The following SEPTIN14 variants were observed in gnomAD, a reference collection of about 807,000 sequenced individuals.
SEPTIN14 encodes the protein septin-14.
In SEPTIN14, 40 loss-of-function variants were observed where a neutral mutation model predicts 53.6. The ratio of observed to expected loss-of-function variants is 0.75; its 90% CI spans 0.58 to 0.97. The LOEUF (loss-of-function observed/expected upper bound fraction) is 0.97, where lower values mean the gene tolerates loss of function less well. Among genes scored for constraint, SEPTIN14 ranks in the 50% least tolerant of loss-of-function variants. SEPTIN14 has a pLI of 0.00. For synonymous variants in SEPTIN14, 138 were observed against 166.8 expected (o/e 0.83, Z 1.33); for missense variants, 471 against 508.2 (o/e 0.93, Z 0.70).
rs748436093 is a variant in SEPTIN14, at chr7:55,796,077, C to T, written c.1135G>A (p.Glu379Lys). ...TCCTGTTGAATCATTTTAAGATGCT[C>T]GAACTTGTCCTGCAGCTGTGAAACC... ...EAEKELQDKF[E>K]HLKMIQQEEI... The change falls in exon 10 of 10, where the codon GAG (glutamate) becomes AAG (lysine). Residue 379 changes from glutamate to lysine, a missense_variant. Glu to Lys is a moderately conservative substitution (Grantham distance 56, BLOSUM62 1). Transcript: ENST00000388975. 1.4e-5 allele frequency: 21 copies of T among 1,524,006 alleles called. No individual in the cohort carries two copies. The highest frequency in any genetic ancestry group is 1.3e-4 in the Admixed American group (8 of 59,508). The allele number at this position is 1,524,006 out of a possible 1,614,324, so 94.4% of individuals were successfully genotyped here.
intron 8 of SEPTIN14, among the ~76,000 whole-genome samples, chr7:55,806,460 TTTTTTTTTC>T (rs1231363904): frequency 8.9e-6 from 1 of 112,208 alleles, no homozygotes; most frequent in Non-Finnish European, 1.7e-5. Context: ...TTATCCTTTC[TTTTTTTTTC>T]TTTTTTTTTT....
At chr7:55,821,554 C>G (rs1788896963) in intron 6 of SEPTIN14, among the ~76,000 whole-genome samples, 1 of 152,166 alleles carries the variant, frequency 6.6e-6, no homozygotes. Context: ...GAATTCAAAA[C>G]ATATTACAAA....
chr7:55,809,400 G>T (rs1344584128), intron 7 of SEPTIN14, among the ~76,000 whole-genome samples: 1 of 149,394 alleles, frequency 6.7e-6, no homozygotes, highest in Non-Finnish European at 1.5e-5. Flanking sequence ...CTGTTGCTGA[G>T]GCTGGAGTGC....
chr7:55,857,202 G>A (rs111651187), intron 2 of SEPTIN14, among the ~76,000 whole-genome samples: 5,659 of 149,428 alleles, frequency 0.038, 129 homozygotes, highest in Admixed American at 0.058. Context: ...GTGAAACCCC[G>A]TCTCTAATAA....
rs61322177 is a variant in SEPTIN14, at chr7:55,817,475, TA to T, written c.817+1651del. Among the ~76,000 whole-genome samples the T allele has an allele frequency of 2.1e-3, 283 of 132,628 alleles. 1 individual carries two copies. Among genetic ancestry groups the T allele is most frequent in the African/African-American group, 6.7e-3 (210 of 31,222 alleles). The allele number at this position is 132,628 out of a possible 152,430, so 87.0% of individuals were successfully genotyped here. On this transcript the variant is annotated intron_variant, in intron 7 of 9. Coordinates refer to ENST00000388975, the MANE Select transcript of SEPTIN14 (RefSeq NM_207366.3). Reference sequence around the variant, plus strand: ...TAACAATATTTTATATATATATATATATTTTTTTTTTTTGAAAAGGAGTCTC... The same window carrying T: ...TAACAATATTTTATATATATATATATTTTTTTTTTTTTGAAAAGGAGTCTC...
At chr7:55,796,176 C>T (rs999012375) in intron 9 of SEPTIN14, 84 bp from the exon 10 acceptor site, 2 of 878,112 alleles carry the variant, frequency 2.3e-6, no homozygotes, top group African/African-American at 1.7e-5. Flanking sequence ...AAATATCAAA[C>T]AAACCCAAAT....
intron 2 of SEPTIN14, among the ~76,000 whole-genome samples, chr7:55,859,464 T>G (rs1789705942): frequency 6.6e-6 from 1 of 152,224 alleles, no homozygotes; most frequent in Non-Finnish European, 1.5e-5. Flanking sequence ...GGTCTATGTT[T>G]CTGTTTCTAT....
intron 8 of SEPTIN14, among the ~76,000 whole-genome samples, chr7:55,806,459 C>CT (rs974836009): frequency 5.1e-4 from 58 of 113,802 alleles, no homozygotes; most frequent in African/African-American, 1.8e-3. Flanking sequence ...TTTATCCTTT[C>CT]TTTTTTTTTC....
At chr7:55,838,437 C>T (rs1193981847) in intron 5 of SEPTIN14, among the ~76,000 whole-genome samples, 1 of 151,962 alleles carries the variant, frequency 6.6e-6, no homozygotes, top group Non-Finnish European at 1.5e-5. Context: ...CCCCCATTTT[C>T]CACAGTTTCT....
chr7:55,844,236 C>T (rs1056351802), intron 4 of SEPTIN14, among the ~76,000 whole-genome samples: 7 of 151,946 alleles, frequency 4.6e-5, no homozygotes, highest in Non-Finnish European at 1.0e-4. Flanking sequence ...ATTAGTACAA[C>T]GTCTACGGAA....
rs142823790 is a variant in SEPTIN14, at chr7:55,820,631, G to A, written c.721-1408C>T. On this transcript the variant is annotated intron_variant, in intron 6 of 9. Transcript: ENST00000388975. Reference sequence around the variant, plus strand: ...GAAGCTAGGATGGAAATCTAAATCTGTATACTTTCAAAATGTATCATCTTT... The same window carrying A: ...GAAGCTAGGATGGAAATCTAAATCTATATACTTTCAAAATGTATCATCTTT... 2.8e-3 allele frequency among the ~76,000 whole-genome samples: 422 copies of A among 152,224 alleles called. 5 individuals carry two copies. The highest frequency in any genetic ancestry group is 0.01 in the Middle Eastern group (3 of 294).
chr7:55,829,583 A>G (rs1044284460), intron 6 of SEPTIN14, among the ~76,000 whole-genome samples: 2 of 152,012 alleles, frequency 1.3e-5, no homozygotes, highest in African/African-American at 4.8e-5. Context: ...ACCTAGATAA[A>G]ATGGTTAAAT....
intron 6 of SEPTIN14, among the ~76,000 whole-genome samples, chr7:55,827,614 G>A (rs1346821607): frequency 2.0e-5 from 3 of 152,218 alleles, no homozygotes; most frequent in Non-Finnish European, 4.4e-5. Flanking sequence ...TCATTGAGAT[G>A]TTGGTGGGTA....
intron 6 of SEPTIN14, among the ~76,000 whole-genome samples, chr7:55,830,751 A>G (rs1195950742): frequency 1.3e-5 from 2 of 151,994 alleles, no homozygotes; most frequent in Non-Finnish European, 2.9e-5. Context: ...GAAACATACA[A>G]CCTCCTAAGA....
chr7:55,809,770 T>TA (rs71561969), intron 7 of SEPTIN14, among the ~76,000 whole-genome samples: 8,744 of 121,682 alleles, frequency 0.072, 604 homozygotes, highest in African/African-American at 0.18. Flanking sequence ...AAATAAAAAT[T>TA]AAAAAAAAAA....
At chr7:55,847,152 G>A (rs1254327048) in intron 2 of SEPTIN14, among the ~76,000 whole-genome samples, 2 of 152,114 alleles carry the variant, frequency 1.3e-5, no homozygotes, top group Non-Finnish European at 2.9e-5. Context: ...AGGTTGCAGT[G>A]AGGCAAGAGC....
intron 9 of SEPTIN14, among the ~76,000 whole-genome samples, chr7:55,804,502 G>A (rs534608990): frequency 2.0e-5 from 3 of 152,104 alleles, no homozygotes; most frequent in African/African-American, 4.8e-5. Context: ...TAGGGGATCC[G>A]CCCGCCTCCA....
At chr7:55,851,473 T>G (rs10260994) in intron 2 of SEPTIN14, among the ~76,000 whole-genome samples, 1 of 151,782 alleles carries the variant, frequency 6.6e-6, no homozygotes, top group Non-Finnish European at 1.5e-5. Flanking sequence ...ATAAAAAAGA[T>G]TATAGATTAA....
chr7:55,823,401 C>A (rs1788930088), intron 6 of SEPTIN14, among the ~76,000 whole-genome samples: 2 of 152,138 alleles, frequency 1.3e-5, no homozygotes, highest in Admixed American at 1.3e-4. Flanking sequence ...AGAGCTGTTC[C>A]ATCACTCAAT....
Sources: gnomAD v4.1 joint callset for allele counts (sites outside exome capture counted in the v4.1 genomes callset) on GRCh38, gnomAD v4.1.1 for gene constraint, MANE v1.5 for transcripts, NCBI Gene and HGNC (gene_info 2026-07-23, HGNC 2026-07-21) for gene names.